The following KATNIP variants were observed in gnomAD, a reference collection of about 807,000 sequenced individuals.
KATNIP encodes katanin-interacting protein.
KATNIP carries 126 observed loss-of-function variants against 174.0 expected under a neutral mutation model. The observed-to-expected ratio is 0.72, with a 90% CI of 0.63 to 0.84. The LOEUF (loss-of-function observed/expected upper bound fraction) is 0.84. KATNIP is among the 40% of genes least tolerant of loss of function. The pLI is 0.00. For synonymous variants in KATNIP, 810 were observed against 835.7 expected (o/e 0.97, Z 0.53); for missense variants, 1,958 against 2,109.7 (o/e 0.93, Z 1.41).
At chr16:27,610,035 G>A (rs1001156941) in intron 2 of KATNIP, among the ~76,000 whole-genome samples, 10 of 152,164 alleles carry the variant, frequency 6.6e-5, no homozygotes, top group African/African-American at 1.4e-4. Context: ...GAGGAGTGGG[G>A]TAGTGGGAGG....
At chr16:27,589,619 T>C (rs2075106935) in intron 2 of KATNIP, among the ~76,000 whole-genome samples, 1 of 152,212 alleles carries the variant, frequency 6.6e-6, no homozygotes, top group African/African-American at 2.4e-5. Flanking sequence ...TCTAATTGTA[T>C]GGAATAGTAA....
chr16:27,745,277 T>C (rs2081248832), intron 15 of KATNIP, among the ~76,000 whole-genome samples: 1 of 152,214 alleles, frequency 6.6e-6, no homozygotes, highest in Non-Finnish European at 1.5e-5. Flanking sequence ...AACCAGAAAG[T>C]TGGCAGGAAC....
chr16:27,552,294 A>G (rs2089414049), intron 1 of KATNIP, among the ~76,000 whole-genome samples: 1 of 152,194 alleles, frequency 6.6e-6, no homozygotes, highest in Non-Finnish European at 1.5e-5. Flanking sequence ...AGCAGAGAGA[A>G]ACATTTTAAT....
intron 6 of KATNIP, among the ~76,000 whole-genome samples, chr16:27,656,444 A>AG (rs1401438755): frequency 2.7e-5 from 4 of 150,680 alleles, no homozygotes; most frequent in Admixed American, 2.0e-4. Flanking sequence ...AAAAAAAGGA[A>AG]GAAAAAAAAG....
chr16:27,713,854 A>ATATATATC (rs1555482296), intron 13 of KATNIP, among the ~76,000 whole-genome samples: 9 of 69,314 alleles, frequency 1.3e-4, no homozygotes, highest in Non-Finnish European at 1.9e-4. Flanking sequence ...ATATATATAT[A>ATATATATC]TATCTATCTC....
chr16:27,694,959 C>T (rs2078865466), intron 8 of KATNIP, among the ~76,000 whole-genome samples: 1 of 152,206 alleles, frequency 6.6e-6, no homozygotes, highest in Non-Finnish European at 1.5e-5. Context: ...TCCCAAACTT[C>T]CTCTACCCAC....
At chr16:27,770,523 G>T (rs1239571236) in intron 21 of KATNIP, among the ~76,000 whole-genome samples, 1 of 152,256 alleles carries the variant, frequency 6.6e-6, no homozygotes, top group African/African-American at 2.4e-5. Flanking sequence ...CAGAGGCCAA[G>T]CTCTTGAAAC....
chr16:27,591,238 G>A (rs2075152708), intron 2 of KATNIP, among the ~76,000 whole-genome samples: 1 of 151,252 alleles, frequency 6.6e-6, no homozygotes, highest in African/African-American at 2.4e-5. Context: ...AGGCTGGAGT[G>A]CAGTGGTGCG....
At chr16:27,658,209 G>A (rs773344836) in intron 6 of KATNIP, among the ~76,000 whole-genome samples, 18 of 152,132 alleles carry the variant, frequency 1.2e-4, no homozygotes, top group Non-Finnish European at 1.8e-4. Flanking sequence ...ATAATTTGTC[G>A]CAATGTTTGA....
chr16:27,606,846 A>G (rs1178569219), intron 2 of KATNIP, among the ~76,000 whole-genome samples: 1 of 151,922 alleles, frequency 6.6e-6, no homozygotes, highest in Non-Finnish European at 1.5e-5. Context: ...GATTATAGGC[A>G]TGAGCCATCG....
chr16:27,741,026 G>A, intron 15 of KATNIP, 106 bp downstream of exon 15: 1 of 1,181,338 alleles, frequency 8.5e-7, no homozygotes, highest in African/African-American at 1.5e-5. Flanking sequence ...TGCACAACAA[G>A]ATGGTTGTTC....
At chr16:27,775,112 C>T (rs1463075320) in intron 24 of KATNIP, 28 bp downstream of exon 24, 3 of 1,600,072 alleles carry the variant, frequency 1.9e-6, no homozygotes, top group Middle Eastern at 1.7e-4. Context: ...GCCACCGCAG[C>T]TCCTGGCCCT....
intron 13 of KATNIP, among the ~76,000 whole-genome samples, chr16:27,717,423 C>T (rs2080002757): frequency 6.6e-6 from 1 of 152,146 alleles, no homozygotes; most frequent in Non-Finnish European, 1.5e-5. Context: ...TTTAACCATT[C>T]ATTCTAAAAT....
chr16:27,780,064 G>C lies in KATNIP; in HGVS notation c.*1435G>C, dbSNP rs184775496. 6.6e-6 allele frequency: 1 copy of C among 152,108 alleles called. No individual in the cohort carries two copies. The highest frequency in any genetic ancestry group is 1.5e-5 in the Non-Finnish European group (1 of 68,028). The allele number at this position is 152,108 out of a possible 1,614,324, so 9.4% of individuals were successfully genotyped here. ...CCTCTGCTCAGCTCCCAGATGTGAC[G>C]AGCACCTCCCGCCAGGGGGAGTCAG... On this transcript the variant is annotated 3_prime_UTR_variant, in exon 28 of 28. Coordinates refer to ENST00000261588, the MANE Select transcript of KATNIP (RefSeq NM_015202.5).
At chr16:27,601,670 G>A (rs1011234086) in intron 2 of KATNIP, among the ~76,000 whole-genome samples, 6 of 152,196 alleles carry the variant, frequency 3.9e-5, no homozygotes, top group African/African-American at 1.4e-4. Flanking sequence ...GGATGAAGGT[G>A]GAAATGAGGT....
At chr16:27,573,793 A>G in intron 1 of KATNIP, 108 bp from the exon 2 acceptor site, 1 of 996,506 alleles carries the variant, frequency 1.0e-6, no homozygotes. Context: ...AAATCATTTG[A>G]TTATGATTGG....
At chr16:27,581,777 G>A (rs537545254) in intron 2 of KATNIP, among the ~76,000 whole-genome samples, 43 of 152,148 alleles carry the variant, frequency 2.8e-4, no homozygotes, top group Admixed American at 2.6e-4. Flanking sequence ...AAAGTCCACT[G>A]TGTCATTCTT....
chr16:27,605,920 A>G (rs1270565397), intron 2 of KATNIP, among the ~76,000 whole-genome samples: 1 of 152,160 alleles, frequency 6.6e-6, no homozygotes, highest in Non-Finnish European at 1.5e-5. Flanking sequence ...ACTTGAGTTC[A>G]GGAGTTCGAG....
At chr16:27,704,387 C>T (rs1216306408) in intron 12 of KATNIP, among the ~76,000 whole-genome samples, 2 of 152,128 alleles carry the variant, frequency 1.3e-5, no homozygotes, top group South Asian at 2.1e-4. Flanking sequence ...AATAAAGCTG[C>T]GGCAGTCCCA....
Sources: gnomAD v4.1 joint callset for allele counts (sites outside exome capture counted in the v4.1 genomes callset) on GRCh38, gnomAD v4.1.1 for gene constraint, MANE v1.5 for transcripts, NCBI Gene and HGNC (gene_info 2026-07-23, HGNC 2026-07-21) for gene names.